Variants in NPAS3 observed in about 807,000 individuals in gnomAD.
NPAS3 encodes the protein neuronal PAS domain-containing protein 3.
NPAS3 carries 14 observed loss-of-function variants against 73.1 expected under a neutral mutation model. The ratio of observed to expected loss-of-function variants is 0.19; its 90% CI spans 0.13 to 0.30. NPAS3 has a LOEUF of 0.30. NPAS3 is among the 10% of genes least tolerant of loss of function. The pLI is 1.00. For synonymous variants in NPAS3, 620 were observed against 541.5 expected (o/e 1.14, Z -2.01); for missense variants, 1,096 against 1,250.0 (o/e 0.88, Z 1.86).
intron 2 of NPAS3, among the ~76,000 whole-genome samples, chr14:33,197,547 G>C (rs1424034300): frequency 1.3e-5 from 2 of 151,876 alleles, no homozygotes; most frequent in African/African-American, 4.8e-5. Flanking sequence ...GAAGGCCACA[G>C]ATGCTCCTGT....
At chr14:33,537,049 G>A (rs1026482070) in intron 4 of NPAS3, among the ~76,000 whole-genome samples, 20 of 151,924 alleles carry the variant, frequency 1.3e-4, no homozygotes, top group African/African-American at 3.6e-4. Flanking sequence ...GCTATGTTAC[G>A]AAAAAACAAC....
intron 2 of NPAS3, among the ~76,000 whole-genome samples, chr14:33,093,728 A>G (rs2042309659): frequency 6.6e-6 from 1 of 152,220 alleles, no homozygotes; most frequent in East Asian, 1.9e-4. Context: ...CCAAATGTCC[A>G]TCAGTGATAG....
intron 6 of NPAS3, among the ~76,000 whole-genome samples, chr14:33,696,013 T>C (rs2060367791): frequency 6.6e-6 from 1 of 152,228 alleles, no homozygotes; most frequent in Non-Finnish European, 1.5e-5. Flanking sequence ...CTTTCTTTTC[T>C]TCTCTTTATT....
chr14:33,172,868 C>T (rs1036026546), intron 2 of NPAS3, among the ~76,000 whole-genome samples: 1 of 152,098 alleles, frequency 6.6e-6, no homozygotes, highest in African/African-American at 2.4e-5. Flanking sequence ...CCTAATAGGT[C>T]TTGGTAATAG....
chr14:33,691,053 T>C lies in NPAS3; in HGVS notation c.733+14668T>C, dbSNP rs117172648. Among the ~76,000 whole-genome samples, 273 of 152,328 alleles carry C rather than the reference T, an allele frequency of 1.8e-3. 2 individuals carry two copies. In the East Asian group the frequency reaches 0.048, roughly 27 times the overall value. ...ATTAAGTCTGTTGCAAAAACATAACTTCATCAAAAAACACCCATCAATCCT... is the reference window on the plus strand; with the variant it reads ...ATTAAGTCTGTTGCAAAAACATAACCTCATCAAAAAACACCCATCAATCCT... On this transcript the variant is annotated intron_variant, in intron 6 of 11. Coordinates refer to ENST00000356141, the Ensembl canonical transcript of NPAS3.
At chr14:33,453,378 G>A (rs1258965845) in intron 4 of NPAS3, among the ~76,000 whole-genome samples, 2 of 152,170 alleles carry the variant, frequency 1.3e-5, no homozygotes, top group African/African-American at 4.8e-5. Flanking sequence ...GTATGATTTA[G>A]GGTTGTTTCT....
At chr14:33,075,173 C>T (rs182158193) in intron 2 of NPAS3, among the ~76,000 whole-genome samples, 2 of 152,286 alleles carry the variant, frequency 1.3e-5, no homozygotes, top group East Asian at 3.9e-4. Flanking sequence ...GTGAGGTTCA[C>T]ACTTACTATA....
chr14:33,540,861 A>G (rs1285364835), intron 4 of NPAS3, among the ~76,000 whole-genome samples: 1 of 152,168 alleles, frequency 6.6e-6, no homozygotes, highest in Non-Finnish European at 1.5e-5. Context: ...CACCACTTTC[A>G]AGCTAAAGAA....
chr14:33,039,905 G>A (rs2040297003), intron 1 of NPAS3, among the ~76,000 whole-genome samples: 1 of 152,098 alleles, frequency 6.6e-6, no homozygotes. Context: ...ATATTTGTAT[G>A]TTTCAGTCAT....
Position 33,366,717 on chromosome 14 carries a change from T to C in NPAS3, c.386-469T>C, listed in dbSNP as rs192459641. On this transcript the variant is annotated intron_variant, in intron 3 of 11. Coordinates refer to ENST00000356141, the Ensembl canonical transcript of NPAS3. ...TGCTGATTAAATTGTGATGAAGTTA[T>C]TGCATTAGAAAATACAAAAAGTTTC... is the stretch of plus-strand genomic sequence containing the variant. Among the ~76,000 whole-genome samples, 8 of 152,348 alleles carry C rather than the reference T, an allele frequency of 5.3e-5. No homozygotes were observed. In the East Asian group the frequency reaches 1.5e-3, roughly 29 times the overall value.
At chr14:33,440,320 G>C (rs1421124789) in intron 4 of NPAS3, among the ~76,000 whole-genome samples, 2 of 152,064 alleles carry the variant, frequency 1.3e-5, no homozygotes, top group Non-Finnish European at 2.9e-5. Flanking sequence ...GACATCCCCA[G>C]CTCAGGGTGG....
At chr14:33,395,208 T>C (rs2047170073) in intron 4 of NPAS3, among the ~76,000 whole-genome samples, 1 of 152,168 alleles carries the variant, frequency 6.6e-6, no homozygotes, top group South Asian at 2.1e-4. Flanking sequence ...GTTATTATCA[T>C]TGTTTTGCAT....
intron 1 of NPAS3, among the ~76,000 whole-genome samples, chr14:33,052,400 T>C (rs971239366): frequency 1.3e-5 from 2 of 152,128 alleles, no homozygotes; most frequent in African/African-American, 4.8e-5. Context: ...TGCATTATAA[T>C]GGGGTTGCTG....
At chr14:33,503,060 G>A (rs899344338) in intron 4 of NPAS3, among the ~76,000 whole-genome samples, 2 of 151,836 alleles carry the variant, frequency 1.3e-5, no homozygotes, top group African/African-American at 2.4e-5. Flanking sequence ...CATGTATTAA[G>A]TTCTCTCGAG....
At position 33,625,427 on chromosome 14, in the gene NPAS3, A is replaced by T. The variant is rs145002148; in HGVS notation, c.559-50784A>T. Among the ~76,000 whole-genome samples the T allele has an allele frequency of 2.1e-3, 319 of 152,296 alleles. 1 individual carries two copies. The highest frequency in any genetic ancestry group is 3.6e-3 in the Non-Finnish European group (242 of 68,012). On this transcript the variant is annotated intron_variant, in intron 5 of 11. Coordinates refer to ENST00000356141, the Ensembl canonical transcript of NPAS3. ...CTGCTACCTTGGTTTGCTTGTGACA[A>T]ATGGGGATGAATCCCTTTGAAGACG...
intron 9 of NPAS3, among the ~76,000 whole-genome samples, chr14:33,790,873 T>C (rs1361685535): frequency 3.9e-5 from 6 of 152,246 alleles, no homozygotes; most frequent in African/African-American, 9.6e-5. Context: ...CTCACCATGT[T>C]GGCCAGGCTA....
intron 4 of NPAS3, among the ~76,000 whole-genome samples, chr14:33,461,322 T>C (rs1222714085): frequency 6.6e-6 from 1 of 152,212 alleles, no homozygotes; most frequent in African/African-American, 2.4e-5. Flanking sequence ...TATTTTGATG[T>C]TGCATAAAAT....
chr14:33,510,249 G>A (rs565506346), intron 4 of NPAS3, among the ~76,000 whole-genome samples: 1 of 152,036 alleles, frequency 6.6e-6, no homozygotes, highest in Non-Finnish European at 1.5e-5. Flanking sequence ...GCCCTAAAAT[G>A]TGTTTGCTTA....
chr14:33,201,382 T>G (rs2046610716), intron 2 of NPAS3, among the ~76,000 whole-genome samples: 1 of 152,106 alleles, frequency 6.6e-6, no homozygotes, highest in South Asian at 2.1e-4. Flanking sequence ...TTGCCCCTGG[T>G]GGCTCATTGA....
Sources: allele counts gnomAD v4.1 joint callset (sites outside exome capture counted in the v4.1 genomes callset), GRCh38; gene constraint gnomAD v4.1.1; transcripts MANE v1.5; gene names NCBI Gene and HGNC (gene_info 2026-07-23, HGNC 2026-07-21).